The following ATP11B variants were observed in gnomAD, a reference collection of about 807,000 sequenced individuals.
ATP11B encodes the protein phospholipid-transporting ATPase IF.
A neutral mutation model predicts 157.8 loss-of-function variants in ATP11B; 81 were observed. The ratio of observed to expected loss-of-function variants is 0.51; its 90% confidence interval spans 0.43 to 0.62. The LOEUF is 0.62. Among genes scored for constraint, ATP11B ranks in the 20% least tolerant of loss-of-function variants. The pLI, the probability that ATP11B is intolerant of heterozygous loss-of-function variation, is 0.00. For synonymous variants in ATP11B, 451 were observed against 469.4 expected (o/e 0.96, Z 0.51); for missense variants, 1,165 against 1,402.2 (o/e 0.83, Z 2.70).
chr3:182,902,695 T>A, intron 28 of ATP11B: 2 of 358,370 alleles, frequency 5.6e-6, no homozygotes, highest in Non-Finnish European at 9.9e-6. Context: ...TGTCTCTGAA[T>A]AATTTGACCT....
chr3:182,870,532 C>T (rs1288166980), intron 17 of ATP11B, among the ~76,000 whole-genome samples: 2 of 152,106 alleles, frequency 1.3e-5, no homozygotes, highest in Admixed American at 6.6e-5. Context: ...TAAAATAATG[C>T]TGGCACATAG....
chr3:182,914,603 G>A (rs1341963171), intron 29 of ATP11B: 8 of 985,044 alleles, frequency 8.1e-6, no homozygotes, highest in Non-Finnish European at 9.6e-6. Context: ...GTATGAGTTA[G>A]AACAGGCTTT....
Position 182,843,381 on chromosome 3 carries a change from C to T in ATP11B, c.704+1259C>T, listed in dbSNP as rs575604205. 2.6e-5 allele frequency: 4 copies of T among 152,258 alleles called. No individual in the cohort carries two copies. The South Asian group carries it at 6.2e-4, about 24-fold the overall frequency. 9.4% of individuals were successfully genotyped at this position (152,258 alleles called of 1,614,324 possible). On this transcript the variant is annotated intron_variant, in intron 8 of 29. Transcript: ENST00000323116. ...AAGGAAACATAGCTGCTTTTTTGCA[C>T]TCCTTATACATTTAAACCGACGATG...
At chr3:182,880,532 A>G (rs113415140) in intron 20 of ATP11B, among the ~76,000 whole-genome samples, 1 of 152,210 alleles carries the variant, frequency 6.6e-6, no homozygotes, top group East Asian at 1.9e-4. Context: ...ATCAAATGAA[A>G]AAATAATTTC....
chr3:182,918,180 C>T lies in ATP11B; in HGVS notation c.*76C>T, dbSNP rs1460341224. On this transcript the variant is annotated 3_prime_UTR_variant, in exon 30 of 30. Transcript: ENST00000323116. ...AGTGTGATCACCCTGTTAATGGCCA[C>T]ACTAGCTCTGAAATTAATTTCCAAA... 6.3e-7 allele frequency: 1 copy of T among 1,577,908 alleles called. No homozygotes were observed. The highest frequency in any genetic ancestry group is 8.6e-7 in the Non-Finnish European group (1 of 1,161,752).
rs144589018 is a variant in ATP11B at position 182,887,221 on chromosome 3, A to G, written c.2716-365A>G. Among the ~76,000 whole-genome samples the G allele has an allele frequency of 2.9e-4, 44 of 152,298 alleles. No individual in the cohort carries two copies. In the South Asian group the frequency reaches 8.9e-3, roughly 31 times the overall value. On this transcript the variant is annotated intron_variant, in intron 23 of 29. Transcript: ENST00000323116. ...AGGGAGACAAAGCCATGAAAGGTAAACTGTATGTGTTGCATGTGGAAGGAG... is the reference window on the plus strand; with the variant it reads ...AGGGAGACAAAGCCATGAAAGGTAAGCTGTATGTGTTGCATGTGGAAGGAG...
chr3:182,830,313 A>C (rs1576984433), intron 4 of ATP11B, among the ~76,000 whole-genome samples: 1 of 147,538 alleles, frequency 6.8e-6, no homozygotes, highest in South Asian at 2.1e-4. Context: ...ACAGAGTGAG[A>C]TCCTGTCTCA....
rs765220472 is a variant in ATP11B, at chr3:182,887,729, T to C, written c.2843+16T>C. 1.0e-5 allele frequency: 16 copies of C among 1,605,292 alleles called. No homozygotes were observed. In the South Asian group the frequency reaches 1.7e-4, roughly 17 times the overall value. ...CCCTTTATCGGTAAGTATTTTCTGG[T>C]ATTAAATGGCCTTATCAGTTTTTTT... On this transcript the variant is annotated intron_variant, in intron 24 of 29. Coordinates refer to ENST00000323116, the MANE Select transcript of ATP11B (RefSeq NM_014616.3).
At chr3:182,845,009 T>TTTTTTTTTTTTTTTTTTTA (rs1560081876) in intron 8 of ATP11B, among the ~76,000 whole-genome samples, 7 of 112,094 alleles carry the variant, frequency 6.2e-5, no homozygotes, top group South Asian at 2.7e-4. Flanking sequence ...TTTTTTTATT[T>TTTTTTTTTTTTTTTTTTTA]TTTTTTATTT....
chr3:182,865,703 G>T lies in ATP11B; in HGVS notation c.1443+5G>T. 6.3e-7 allele frequency: 1 copy of T among 1,593,194 alleles called. No homozygotes were observed. Among genetic ancestry groups the T allele is most frequent in the Non-Finnish European group, 8.5e-7 (1 of 1,171,418 alleles). On this transcript the variant is annotated splice_donor_5th_base_variant and intron_variant, in intron 13 of 29. Coordinates refer to ENST00000323116, the MANE Select transcript of ATP11B (RefSeq NM_014616.3). ...CCTGAAAATGAAACTGAACTAGTAAGTAATTTTTAAATTAATAAATAAGGG... is the reference window on the plus strand; with the variant it reads ...CCTGAAAATGAAACTGAACTAGTAATTAATTTTTAAATTAATAAATAAGGG...
chr3:182,905,496 C>T (rs920188195), intron 28 of ATP11B, among the ~76,000 whole-genome samples: 2 of 152,072 alleles, frequency 1.3e-5, no homozygotes, highest in African/African-American at 4.8e-5. Context: ...ATCTTGGTGG[C>T]AAATGAATTT....
intron 18 of ATP11B, among the ~76,000 whole-genome samples, chr3:182,873,051 T>C (rs1238484398): frequency 6.6e-6 from 1 of 152,224 alleles, no homozygotes; most frequent in Admixed American, 6.5e-5. Context: ...CCTAAGAGGA[T>C]TAAAAATTCT....
chr3:182,865,758 T>C, intron 13 of ATP11B, 60 bp downstream of exon 13: 1 of 1,408,362 alleles, frequency 7.1e-7, no homozygotes. Context: ...CTTCAGTAGT[T>C]GATGAGTTGC....
chr3:182,827,261 C>T (rs1717787368), intron 2 of ATP11B, among the ~76,000 whole-genome samples: 1 of 152,030 alleles, frequency 6.6e-6, no homozygotes, highest in South Asian at 2.1e-4. Flanking sequence ...TGTAATACAG[C>T]ATTATAGGTT....
At chr3:182,835,968 T>TC in intron 4 of ATP11B, 67 bp from the exon 5 acceptor site, 2 of 1,370,610 alleles carry the variant, frequency 1.5e-6, no homozygotes, top group Non-Finnish European at 2.0e-6. Flanking sequence ...GAGTTTTTTT[T>TC]CTTATTTGAT....
intron 1 of ATP11B, among the ~76,000 whole-genome samples, chr3:182,812,220 A>G (rs937471550): frequency 6.6e-6 from 1 of 152,198 alleles, no homozygotes; most frequent in Non-Finnish European, 1.5e-5. Flanking sequence ...CTGTGTCTCC[A>G]GCCTATTTGC....
chr3:182,909,729 A>G (rs1379559972), intron 28 of ATP11B, among the ~76,000 whole-genome samples: 3 of 152,178 alleles, frequency 2.0e-5, no homozygotes, highest in African/African-American at 4.8e-5. Flanking sequence ...AGCATTTTCT[A>G]TAGATAGCTT....
At chr3:182,833,611 G>A (rs1310198633) in intron 4 of ATP11B, 1 of 152,106 alleles carries the variant, frequency 6.6e-6, no homozygotes, top group Non-Finnish European at 1.5e-5. Flanking sequence ...TTACAGGCTT[G>A]AGTCACCACG....
chr3:182,913,986 C>T lies in ATP11B; in HGVS notation c.3444C>T (p.His1148=), dbSNP rs1461183634. The part of the protein sequence containing the change: ...ERVIGRCSPT[H]ISRSWSASDP... The stretch of plus-strand genomic sequence containing the variant: ...TTATAGGAAGATGTAGTCCAACCCA[C>T]ATCAGCAGGTGTGAAATCTCTCTAA... Residue 1148 remains histidine, a synonymous_variant, in exon 29 of 30, where the codon CAC becomes CAT. Transcript: ENST00000323116. 1.2e-6 allele frequency: 2 copies of T among 1,613,952 alleles called. No individual in the cohort carries two copies. Among genetic ancestry groups the T allele is most frequent in the Non-Finnish European group, 8.5e-7 (1 of 1,179,892 alleles).
Sources: allele counts gnomAD v4.1 joint callset (sites outside exome capture counted in the v4.1 genomes callset), GRCh38; gene constraint gnomAD v4.1.1; transcripts MANE v1.5; gene names NCBI Gene and HGNC (gene_info 2026-07-23, HGNC 2026-07-21).